The following FOXN3 variants were observed in gnomAD, a reference collection of about 807,000 sequenced individuals.
FOXN3 encodes forkhead box N3, also known as forkhead box protein N3.
In FOXN3, 7 loss-of-function variants were observed where a neutral mutation model predicts 38.4. That is an observed-to-expected ratio of 0.18 (90% CI 0.10 to 0.34). The LOEUF (loss-of-function observed/expected upper bound fraction) is 0.34. Among genes scored for constraint, FOXN3 ranks in the 10% least tolerant of loss-of-function variants. The probability of loss-of-function intolerance (pLI) is 1.00; values close to 1 mark genes in which losing one functional copy is unlikely to be tolerated. For synonymous variants in FOXN3, 230 were observed against 242.2 expected (o/e 0.95, Z 0.47); for missense variants, 456 against 613.4 (o/e 0.74, Z 2.71).
chr14:89,389,008 A>T (rs1890864151), intron 2 of FOXN3, among the ~76,000 whole-genome samples: 1 of 152,084 alleles, frequency 6.6e-6, no homozygotes, highest in South Asian at 2.1e-4. Flanking sequence ...GAGAACTCAG[A>T]GATTCAGGAA....
chr14:89,586,328 T>C (rs545755731), intron 1 of FOXN3, among the ~76,000 whole-genome samples: 5 of 152,226 alleles, frequency 3.3e-5, no homozygotes, highest in African/African-American at 1.2e-4. Context: ...TGCCAAAAGC[T>C]GAGGCTAAAA....
At chr14:89,365,495 C>T (rs560538594) in intron 2 of FOXN3, among the ~76,000 whole-genome samples, 1 of 152,222 alleles carries the variant, frequency 6.6e-6, no homozygotes, top group Admixed American at 6.5e-5. Context: ...GTCAGAAGGC[C>T]AAAGAGGTGG....
chr14:89,488,091 T>C (rs968381489), intron 1 of FOXN3, among the ~76,000 whole-genome samples: 48 of 148,960 alleles, frequency 3.2e-4, no homozygotes, highest in Non-Finnish European at 5.7e-4. Context: ...GGCTCTTCTT[T>C]TTTTTTTTTT....
At chr14:89,206,325 G>T (rs952120815) in intron 4 of FOXN3, among the ~76,000 whole-genome samples, 1 of 152,188 alleles carries the variant, frequency 6.6e-6, no homozygotes. Context: ...GCCAAACGTG[G>T]TCTCCTCTTG....
chr14:89,590,594 C>G (rs1331395107), intron 1 of FOXN3, among the ~76,000 whole-genome samples: 1 of 152,118 alleles, frequency 6.6e-6, no homozygotes, highest in African/African-American at 2.4e-5. Context: ...AAAGTGGATG[C>G]TTCAGAAGTA....
intron 3 of FOXN3, among the ~76,000 whole-genome samples, chr14:89,324,491 C>T (rs1449034539): frequency 6.7e-6 from 1 of 148,560 alleles, no homozygotes; most frequent in African/African-American, 2.5e-5. Flanking sequence ...TGTGTATGTA[C>T]CCACATCTTT....
chr14:89,327,240 T>C (rs1888110795), intron 3 of FOXN3, among the ~76,000 whole-genome samples: 1 of 152,168 alleles, frequency 6.6e-6, no homozygotes, highest in Non-Finnish European at 1.5e-5. Context: ...AGAAGTACAC[T>C]AAGGAGAGAA....
At chr14:89,288,714 CTCTCTCTCTCTA>C (rs1886745913) in intron 3 of FOXN3, among the ~76,000 whole-genome samples, 10 of 60,780 alleles carry the variant, frequency 1.6e-4, no homozygotes, top group South Asian at 5.6e-4. Context: ...CTCTCTCTCT[CTCTCTCTCTCTA>C]TATATATATA....
At chr14:89,280,307 G>A (rs187945083) in intron 4 of FOXN3, among the ~76,000 whole-genome samples, 1 of 152,230 alleles carries the variant, frequency 6.6e-6, no homozygotes, top group African/African-American at 2.4e-5. Flanking sequence ...GAACTTAATG[G>A]CAAAAGTAGA....
At chr14:89,190,492 CG>C (rs1566925108) in intron 4 of FOXN3, 1 of 1,533,726 alleles carries the variant, frequency 6.5e-7, no homozygotes, top group South Asian at 1.1e-5. Flanking sequence ...ACAACGGGGC[CG>C]GTGTGTGTGT....
In FOXN3 at chr14:89,395,476, G is replaced by A. The variant is rs578111793; in HGVS notation, c.543+16458C>T. ...TCTCTCTCACCAATTTGTGTAAAATGAAGCAGCACTCACACCCTCTCCTGC... is the reference window on the plus strand; with the variant it reads ...TCTCTCTCACCAATTTGTGTAAAATAAAGCAGCACTCACACCCTCTCCTGC... On this transcript the variant is annotated intron_variant, in intron 2 of 5. Transcript: ENST00000557258. Among the ~76,000 whole-genome samples the A allele has an allele frequency of 2.6e-5, 4 of 152,156 alleles. No homozygotes were observed. In the East Asian group the frequency reaches 7.7e-4, roughly 29 times the overall value.
chr14:89,262,501 G>A (rs1326989260), intron 4 of FOXN3, among the ~76,000 whole-genome samples: 4 of 152,268 alleles, frequency 2.6e-5, no homozygotes, highest in Non-Finnish European at 5.9e-5. Context: ...GGATCAACTA[G>A]AACAGGGAAA....
intron 3 of FOXN3, among the ~76,000 whole-genome samples, chr14:89,312,278 C>T (rs528300569): frequency 1.3e-4 from 2 of 15,830 alleles, no homozygotes; most frequent in Admixed American, 4.5e-4. Flanking sequence ...GAGCAAGACT[C>T]GGTCTCAAAA....
chr14:89,592,690 T>G (rs917911558), intron 1 of FOXN3, among the ~76,000 whole-genome samples: 1 of 152,186 alleles, frequency 6.6e-6, no homozygotes, highest in Admixed American at 6.5e-5. Context: ...GAGATGAAGT[T>G]CTTGGAAAAT....
intron 4 of FOXN3, among the ~76,000 whole-genome samples, chr14:89,188,992 C>T (rs3783877): frequency 0.81 from 123,211 of 152,064 alleles, 50,080 homozygotes; most frequent in African/African-American, 0.86. Context: ...GTGTAGGCAG[C>T]CCAACATTGC....
chr14:89,346,031 G>A (rs1261122196), intron 3 of FOXN3, among the ~76,000 whole-genome samples: 24 of 152,320 alleles, frequency 1.6e-4, no homozygotes, highest in Admixed American at 1.4e-3. Flanking sequence ...CCAGCCTGGC[G>A]ACAGAGTGAG....
chr14:89,492,117 TG>T (rs1329683061), intron 1 of FOXN3, among the ~76,000 whole-genome samples: 1 of 152,254 alleles, frequency 6.6e-6, no homozygotes, highest in Non-Finnish European at 1.5e-5. Flanking sequence ...GAAACTTTTT[TG>T]TTCTCCAGTG....
chr14:89,614,336 T>A (rs960125387), intron 1 of FOXN3, among the ~76,000 whole-genome samples: 2 of 152,190 alleles, frequency 1.3e-5, no homozygotes, highest in Non-Finnish European at 2.9e-5. Flanking sequence ...GATGTTCCTA[T>A]AATTTATAAA....
At chr14:89,299,130 T>C (rs1887140306) in intron 3 of FOXN3, among the ~76,000 whole-genome samples, 2 of 151,708 alleles carry the variant, frequency 1.3e-5, no homozygotes, top group South Asian at 4.1e-4. Context: ...TATCACAGCC[T>C]AGAAAGTAGC....
Sources: allele counts gnomAD v4.1 joint callset (sites outside exome capture counted in the v4.1 genomes callset), GRCh38; gene constraint gnomAD v4.1.1; transcripts MANE v1.5; gene names NCBI Gene and HGNC (gene_info 2026-07-23, HGNC 2026-07-21).